TOGARAM2: variants seen among roughly 807,000 people sequenced by gnomAD.
TOGARAM2 encodes TOG array regulator of axonemal microtubules 2.
A neutral mutation model predicts 93.3 loss-of-function variants in TOGARAM2; 85 were observed. The observed-to-expected ratio is 0.91, with a 90% confidence interval of 0.76 to 1.09. The LOEUF (loss-of-function observed/expected upper bound fraction) is 1.09, where lower values mean the gene tolerates loss of function less well. TOGARAM2 is among the 50% of genes least tolerant of loss of function. The pLI, the probability that TOGARAM2 is intolerant of heterozygous loss-of-function variation, is 0.00. For synonymous variants in TOGARAM2, 593 were observed against 552.8 expected, an observed-to-expected ratio of 1.07 and a Z score of -1.02; for missense variants, 1,277 against 1,334.5, an observed-to-expected ratio of 0.96 and a Z score of 0.67.
Position 29,036,566 on chromosome 2 carries a change from T to C in TOGARAM2, c.2444T>C (p.Leu815Pro). ...VQVFDAFTPR[L>P]QDSNKKVNQW... ...GTCTTTGATGCTTTCACCCCAAGGCTTCAGGATTCCAACAAGAAAGTGAAC... is the reference window on the plus strand; with the variant it reads ...GTCTTTGATGCTTTCACCCCAAGGCCTCAGGATTCCAACAAGAAAGTGAAC... Residue 815 changes from leucine (L) to proline (P), a missense_variant, in exon 18 of 20, where the codon CTT (leucine) becomes CCT (proline). Coordinates refer to ENST00000379558, the MANE Select transcript of TOGARAM2 (RefSeq NM_199280.4). 1 of 1,613,968 alleles carries C rather than the reference T, an allele frequency of 6.2e-7. No homozygotes were observed. Among genetic ancestry groups the C allele is most frequent in the Admixed American group, 1.7e-5 (1 of 60,026 alleles).
Position 28,983,427 on chromosome 2 carries a change from T to C in TOGARAM2, c.-111+1889T>C, listed in dbSNP as rs76656484. 1.8e-3 allele frequency among the ~76,000 whole-genome samples: 269 copies of C among 152,088 alleles called. 1 individual carries two copies. The highest frequency in any genetic ancestry group is 6.2e-3 in the African/African-American group (259 of 41,474). On this transcript the variant is annotated intron_variant, in intron 1 of 19. Coordinates refer to ENST00000379558, the MANE Select transcript of TOGARAM2 (RefSeq NM_199280.4). The stretch of plus-strand genomic sequence containing the variant: ...GTAGGGGCATACCCTGTGTGGTCTC[T>C]TGGGTCTGTCTTCTTTCACTAAACA...
intron 13 of TOGARAM2, among the ~76,000 whole-genome samples, chr2:29,025,893 G>C (rs545466505): frequency 6.6e-6 from 1 of 152,188 alleles, no homozygotes; most frequent in Non-Finnish European, 1.5e-5. Flanking sequence ...GATGTGTCAG[G>C]CACAGCAGGG....
intron 2 of TOGARAM2, among the ~76,000 whole-genome samples, chr2:28,997,055 A>G (rs989717187): frequency 2.0e-5 from 3 of 152,158 alleles, no homozygotes; most frequent in African/African-American, 4.8e-5. Flanking sequence ...TTTCTGTTGG[A>G]TATTCATCCA....
At chr2:28,963,063 C>T (rs780313471) in intron 1 of TOGARAM2, among the ~76,000 whole-genome samples, 11 of 151,768 alleles carry the variant, frequency 7.2e-5, no homozygotes, top group Admixed American at 1.3e-4. Flanking sequence ...CCTGGGCTCA[C>T]GTGATCTTCC....
chr2:28,959,918 C>A lies in TOGARAM2; in HGVS notation c.-147+3221C>A, dbSNP rs1364528320. Among the ~76,000 whole-genome samples the A allele has an allele frequency of 2.6e-5, 4 of 152,220 alleles. No homozygotes were observed. In the East Asian group the frequency reaches 7.7e-4, roughly 29 times the overall value. Reference sequence around the variant, plus strand: ...AGTGCACTGACATAAACCTGGGCGGCACAGCCCGCTACACATGTGGGCTAT... The same window carrying A: ...AGTGCACTGACATAAACCTGGGCGGAACAGCCCGCTACACATGTGGGCTAT... On this transcript the variant is annotated intron_variant, in intron 1 of 6. Coordinates refer to the TOGARAM2 transcript ENST00000401723.
Position 28,998,168 on chromosome 2 carries a change from G to A in TOGARAM2, c.54G>A (p.Val18=), listed in dbSNP as rs1673090620. ...CCAAGGTCCTGGTCCCCGTGGCCGT[G>A]TACTGCGGGAGCATCCCTCGGACCA... ...PEAKVLVPVA[V]YCGSIPRTSA... Residue 18 remains valine (V), a synonymous_variant, in exon 3 of 20, where the codon GTG becomes GTA. Coordinates refer to ENST00000379558, the MANE Select transcript of TOGARAM2 (RefSeq NM_199280.4). 4 of 1,610,556 alleles carry A rather than the reference G, an allele frequency of 2.5e-6. No individual in the cohort carries two copies. In the East Asian group the frequency reaches 6.7e-5, roughly 27 times the overall value.
intron 4 of TOGARAM2, 65 bp downstream of exon 4, chr2:28,999,533 G>A (rs1350767971): frequency 2.0e-6 from 3 of 1,484,426 alleles, no homozygotes; most frequent in Non-Finnish European, 1.8e-6. Context: ...CAGGCCTCCA[G>A]GGCTGTGAGG....
chr2:29,013,664 G>A (rs1572705682), intron 7 of TOGARAM2, among the ~76,000 whole-genome samples: 1 of 152,152 alleles, frequency 6.6e-6, no homozygotes, highest in African/African-American at 2.4e-5. Context: ...CAGAAGACCC[G>A]GCAAGCAAGG....
rs74608131 is a variant in TOGARAM2 at position 29,011,209 on chromosome 2, C to A, written c.831-246C>A. Among the ~76,000 whole-genome samples the A allele has an allele frequency of 1.5e-3, 233 of 152,358 alleles. 2 individuals are homozygous for A. The East Asian group carries it at 0.04, about 26-fold the overall frequency. On this transcript the variant is annotated intron_variant, in intron 6 of 19. Transcript: ENST00000379558. ...GGGTGTCAGCCTCCTGGGGAATGCG[C>A]GAGCTGCACTGCCAGGAAATGGGGC... is the stretch of plus-strand genomic sequence containing the variant.
Position 29,030,830 on chromosome 2 carries a change from C to T in TOGARAM2, c.2013-2104C>T, listed in dbSNP as rs1181629493. Among the ~76,000 whole-genome samples, 4 of 152,198 alleles carry T rather than the reference C, an allele frequency of 2.6e-5. No homozygotes were observed. In the East Asian group the frequency reaches 7.7e-4, roughly 29 times the overall value. On this transcript the variant is annotated intron_variant, in intron 14 of 19. Coordinates refer to ENST00000379558, the MANE Select transcript of TOGARAM2 (RefSeq NM_199280.4). ...CTCAATTCTTGCCCTCCACTCCAGA[C>T]CCTTCTTCGAGCATCAGTCCCCATT... is the stretch of plus-strand genomic sequence containing the variant.
Position 28,983,199 on chromosome 2 carries a change from T to TATATATATA in TOGARAM2, c.-111+1661_-111+1662insATATATATA, listed in dbSNP as rs1491158838. Among the ~76,000 whole-genome samples the TATATATATA allele has an allele frequency of 9.0e-3, 111 of 12,344 alleles. 1 individual carries two copies. Among genetic ancestry groups the TATATATATA allele is most frequent in the Non-Finnish European group, 0.011 (66 of 5,930 alleles). 8.1% of individuals were successfully genotyped at this position (12,344 alleles called of 152,430 possible). A position where few individuals can be genotyped will look rare whatever the true frequency, so the allele number is the denominator to read the frequency against. On this transcript the variant is annotated intron_variant, in intron 1 of 19. Transcript: ENST00000379558. ...ATAAATATATATATATATATATATATTTTTTTTTTTTTTTTTTTTTTTTTT... is the reference window on the plus strand; with the variant it reads ...ATAAATATATATATATATATATATATATATATATATTTTTTTTTTTTTTTTTTTTTTTTT...
chr2:28,995,112 T>A (rs1428200995), intron 2 of TOGARAM2, among the ~76,000 whole-genome samples: 1 of 152,156 alleles, frequency 6.6e-6, no homozygotes, highest in Non-Finnish European at 1.5e-5. Context: ...TTATCTCCAC[T>A]CTCTGCAGCA....
intron 1 of TOGARAM2, among the ~76,000 whole-genome samples, chr2:28,993,030 A>T (rs1296347502): frequency 1.3e-5 from 2 of 148,686 alleles, no homozygotes; most frequent in African/African-American, 2.5e-5. Context: ...ACTGCACTCC[A>T]GCCTGGGTGG....
At chr2:28,986,388 C>G (rs1330097328) in intron 1 of TOGARAM2, among the ~76,000 whole-genome samples, 2 of 152,168 alleles carry the variant, frequency 1.3e-5, no homozygotes, top group African/African-American at 4.8e-5. Flanking sequence ...CCACACTGAG[C>G]TGCTATTACA....
chr2:29,019,661 G>C (rs948107824), intron 10 of TOGARAM2, among the ~76,000 whole-genome samples: 1 of 152,086 alleles, frequency 6.6e-6, no homozygotes, highest in East Asian at 1.9e-4. Flanking sequence ...CAGGTGAGCG[G>C]GTAGGTAGAA....
intron 1 of TOGARAM2, among the ~76,000 whole-genome samples, chr2:28,969,536 T>G (rs938005618): frequency 6.6e-6 from 1 of 152,174 alleles, no homozygotes; most frequent in African/African-American, 2.4e-5. Context: ...TTTGTACCTA[T>G]GACATCTTGG....
chr2:28,993,984 A>T (rs1281897840), intron 1 of TOGARAM2, among the ~76,000 whole-genome samples: 2 of 152,226 alleles, frequency 1.3e-5, no homozygotes, highest in Non-Finnish European at 2.9e-5. Context: ...TCAGCTCTGG[A>T]AGCACCTCTG....
chr2:29,005,225 G>A (rs1321532395), intron 6 of TOGARAM2, among the ~76,000 whole-genome samples: 4 of 148,562 alleles, frequency 2.7e-5, no homozygotes, highest in Non-Finnish European at 4.5e-5. Context: ...GTGTGCATGT[G>A]TGTATATGTG....
chr2:29,010,494 G>A (rs1167137624), intron 6 of TOGARAM2, among the ~76,000 whole-genome samples: 1 of 152,094 alleles, frequency 6.6e-6, no homozygotes, highest in African/African-American at 2.4e-5. Context: ...AGTCCCCAAG[G>A]ATCAGGGTTC....
Sources: allele counts gnomAD v4.1 joint callset (sites outside exome capture counted in the v4.1 genomes callset), GRCh38; gene constraint gnomAD v4.1.1; transcripts MANE v1.5; gene names NCBI Gene and HGNC (gene_info 2026-07-23, HGNC 2026-07-21).